TNFSF15: variants seen among roughly 807,000 people sequenced by gnomAD.
TNFSF15 encodes the protein tumor necrosis factor ligand superfamily member 15.
In TNFSF15, 15 loss-of-function variants were observed where a neutral mutation model predicts 26.4. The observed-to-expected ratio is 0.57, with a 90% CI of 0.38 to 0.87. TNFSF15 has a LOEUF of 0.87. Among genes scored for constraint, TNFSF15 ranks in the 40% least tolerant of loss-of-function variants. The pLI is 0.00. For missense variants in TNFSF15, 290 were observed against 306.1 expected, an observed-to-expected ratio of 0.95 and a Z score of 0.39; for synonymous variants, 116 against 115.0, an observed-to-expected ratio of 1.01 and a Z score of -0.06.
chr9:114,791,474 A>T (rs1462636542), intron 3 of TNFSF15: 1 of 170,558 alleles, frequency 5.9e-6, no homozygotes, highest in African/African-American at 2.4e-5. Flanking sequence ...ATCCTCACTC[A>T]GAGCTCACCA....
At chr9:114,804,015 G>T (rs1343491831) in intron 1 of TNFSF15, among the ~76,000 whole-genome samples, 1 of 152,182 alleles carries the variant, frequency 6.6e-6, no homozygotes, top group East Asian at 1.9e-4. Context: ...TGAGCCAGCT[G>T]TTTCTTTTCA....
chr9:114,799,243 A>C (rs1829709293), intron 1 of TNFSF15, among the ~76,000 whole-genome samples: 1 of 152,222 alleles, frequency 6.6e-6, no homozygotes, highest in Non-Finnish European at 1.5e-5. Context: ...ACTTGACCTC[A>C]ATGGAACTGT....
chr9:114,795,050 C>A (rs977043453), intron 1 of TNFSF15, among the ~76,000 whole-genome samples: 2 of 152,106 alleles, frequency 1.3e-5, no homozygotes, highest in African/African-American at 4.8e-5. Context: ...TTGAAATGTT[C>A]CCAACACATA....
intron 3 of TNFSF15, 89 bp downstream of exon 3, chr9:114,792,318 A>G: frequency 6.7e-7 from 1 of 1,497,320 alleles, no homozygotes; most frequent in Non-Finnish European, 9.0e-7. Flanking sequence ...TTTCATTTTA[A>G]GCCACTAGAA....
chr9:114,802,682 G>A (rs1476944336), intron 1 of TNFSF15, among the ~76,000 whole-genome samples: 1 of 152,226 alleles, frequency 6.6e-6, no homozygotes, highest in Non-Finnish European at 1.5e-5. Context: ...GGGTGACTCT[G>A]TGGGTGGCAT....
Position 114,804,963 on chromosome 9 carries a change from A to G in TNFSF15, c.210+840T>C, listed in dbSNP as rs1301974508. On this transcript the variant is annotated intron_variant, in intron 1 of 3. Coordinates refer to ENST00000374045, the MANE Select transcript of TNFSF15 (RefSeq NM_005118.4). ...CATAGATTATGAAGGGACATTTTTA[A>G]AAAGGATATTACTGGAAAGACTCAT... Among the ~76,000 whole-genome samples the G allele has an allele frequency of 2.0e-5, 3 of 152,346 alleles. No homozygotes were observed. The East Asian group carries it at 5.8e-4, about 29-fold the overall frequency.
At chr9:114,804,739 C>T (rs374133073) in intron 1 of TNFSF15, among the ~76,000 whole-genome samples, 9 of 152,304 alleles carry the variant, frequency 5.9e-5, no homozygotes, top group South Asian at 4.1e-4. Flanking sequence ...TGGCCATGAA[C>T]GCTGCTGCCT....
intron 1 of TNFSF15, among the ~76,000 whole-genome samples, chr9:114,794,682 G>T (rs182626781): frequency 1.4e-3 from 217 of 152,216 alleles, no homozygotes; most frequent in Middle Eastern, 3.4e-3. Flanking sequence ...ATAAACAATG[G>T]AATACTATTT....
At chr9:114,799,361 T>G (rs1829711179) in intron 1 of TNFSF15, among the ~76,000 whole-genome samples, 2 of 152,224 alleles carry the variant, frequency 1.3e-5, no homozygotes. Context: ...TTGGGCTCAA[T>G]ATATGATTGT....
chr9:114,792,261 ACACACT>A, intron 3 of TNFSF15, 140 bp downstream of exon 3: 1 of 788,588 alleles, frequency 1.3e-6, no homozygotes. Flanking sequence ...ACACACACAC[ACACACT>A]GGAATATTGA....
chr9:114,790,406 G>C lies in TNFSF15; in HGVS notation c.*46C>G, dbSNP rs746759954. On this transcript the variant is annotated 3_prime_UTR_variant, in exon 4 of 4. Transcript: ENST00000374045. ...ATTACATTTGAACAAAGAAAATTAG[G>C]AACTCGGTGGCAGAGGACTTTCATA... 2.0e-6 allele frequency: 3 copies of C among 1,506,530 alleles called. No homozygotes were observed. The highest frequency in any genetic ancestry group is 2.7e-6 in the Non-Finnish European group (3 of 1,122,238). The allele number at this position is 1,506,530 out of a possible 1,614,324, so 93.3% of individuals were successfully genotyped here. A position where few individuals can be genotyped will look rare whatever the true frequency, so the allele number is the denominator to read the frequency against.
chr9:114,803,365 A>G (rs969116620), intron 1 of TNFSF15, among the ~76,000 whole-genome samples: 1 of 152,140 alleles, frequency 6.6e-6, no homozygotes, highest in African/African-American at 2.4e-5. Flanking sequence ...GAGTATTGAT[A>G]TTAATACCCC....
At position 114,787,387 on chromosome 9, in the gene TNFSF15, C is replaced by A. The variant is rs1330243981; in HGVS notation, c.*3065G>T. The A allele has an allele frequency of 6.6e-6, 1 of 152,172 alleles. No homozygotes were observed. The highest frequency in any genetic ancestry group is 2.4e-5 in the African/African-American group (1 of 41,432). The allele number at this position is 152,172 out of a possible 1,614,324, so 9.4% of individuals were successfully genotyped here. ...ATACAACCAAAATAAATTAAAGAAT[C>A]TGCAGACAGTAGAGGTGCTGGGAAG... On this transcript the variant is annotated 3_prime_UTR_variant, in exon 4 of 4. Coordinates refer to ENST00000374045, the MANE Select transcript of TNFSF15 (RefSeq NM_005118.4).
chr9:114,792,499 C>A, intron 2 of TNFSF15, 45 bp from the exon 3 acceptor site: 1 of 1,613,472 alleles, frequency 6.2e-7, no homozygotes, highest in Non-Finnish European at 8.5e-7. Context: ...CAAAGGGTGA[C>A]TGAAATGAAG....
rs140925489 is a variant in TNFSF15, at chr9:114,805,919, T to C, written c.94A>G (p.Ser32Gly). Residue 32 changes from serine (S) to glycine (G), a missense_variant, in exon 1 of 4, where the codon AGC (serine) becomes GGC (glycine). This residue lies in a region of TNFSF15 where 179 missense variants were observed against 165.9 expected (regional missense o/e 1.08). Transcript: ENST00000374045. ...GSCRPKARSS[S>G]ARWALTCCLV... Reference sequence around the variant, plus strand: ...CAGCAGGTGAGAGCCCAGCGTGCGCTGCTGCTCCTGGCCTTGGGCCTGCAG... The same window carrying C: ...CAGCAGGTGAGAGCCCAGCGTGCGCCGCTGCTCCTGGCCTTGGGCCTGCAG... The C allele has an allele frequency of 9.2e-4, 1,482 of 1,614,034 alleles. 2 individuals are homozygous for C. The highest frequency in any genetic ancestry group is 1.2e-3 in the Non-Finnish European group (1,381 of 1,180,054).
chr9:114,799,388 T>A (rs1829711635), intron 1 of TNFSF15, among the ~76,000 whole-genome samples: 1 of 152,216 alleles, frequency 6.6e-6, no homozygotes, highest in African/African-American at 2.4e-5. Flanking sequence ...TATTGTTGGT[T>A]CTGCACATCC....
At position 114,784,770 on chromosome 9, in the gene TNFSF15, A is replaced by C. The variant is rs1052165704; in HGVS notation, c.*5682T>G. The C allele has an allele frequency of 1.3e-5, 2 of 152,264 alleles. No homozygotes were observed. Among genetic ancestry groups the C allele is most frequent in the Non-Finnish European group, 2.9e-5 (2 of 68,048 alleles). 9.4% of individuals were successfully genotyped at this position (152,264 alleles called of 1,614,324 possible). A position where few individuals can be genotyped will look rare whatever the true frequency, so the allele number is the denominator to read the frequency against. On this transcript the variant is annotated 3_prime_UTR_variant, in exon 4 of 4. Transcript: ENST00000374045. ...TACCCAAAGACATGGGATGCATACC[A>C]GTTAAGTACGTATCCAACAACATAC...
In TNFSF15 at chr9:114,790,465, G is replaced by T. The variant is rs764534409; in HGVS notation, c.743C>A (p.Ala248Asp). 4 of 1,603,750 alleles carry T rather than the reference G, an allele frequency of 2.5e-6. No individual in the cohort carries two copies. Among genetic ancestry groups the T allele is most frequent in the Non-Finnish European group, 3.4e-6 (4 of 1,174,018 alleles). ...TTTGCTCTCCTCCTATAGTAAGAAGGCTCCAAAGAAGGTTTTATCTTCTTT... is the reference window on the plus strand; with the variant it reads ...TTTGCTCTCCTCCTATAGTAAGAAGTCTCCAAAGAAGGTTTTATCTTCTTT... ...YTKEDKTFFG[A>D]FLL Residue 248 changes from alanine (A) to aspartate (D), a missense_variant, in exon 4 of 4, where the codon GCC becomes GAC. Around this residue, in one of 3 missense-constraint regions of TNFSF15, gnomAD observed 102 missense variants for 114.7 expected, o/e 0.89. Transcript: ENST00000374045.
In TNFSF15 at chr9:114,790,605, T is replaced by C. The variant is rs3810936; in HGVS notation, c.603A>G (p.Val201=). ...PTQLLMGTKS[V]CEVGSNWFQP... is the part of the protein sequence containing the mutation. Reference sequence around the variant, plus strand: ...GGAACCAGTTGCTACCTACTTCGCATACAGACTTGGTCCCCATGAGGAGCT... The same window carrying C: ...GGAACCAGTTGCTACCTACTTCGCACACAGACTTGGTCCCCATGAGGAGCT... Residue 201 remains valine (V), a synonymous_variant, in exon 4 of 4, where the codon GTA becomes GTG. Transcript: ENST00000374045. 1,127,325 of 1,613,702 alleles carry C rather than the reference T, an allele frequency of 0.7. 396,595 individuals are homozygous for C. Among genetic ancestry groups the C allele is most frequent in the African/African-American group, 0.89 (66,977 of 74,930 alleles).
Sources: gnomAD v4.1 joint callset for allele counts (sites outside exome capture counted in the v4.1 genomes callset) on GRCh38, gnomAD v4.1.1 for gene constraint, gnomAD v4.1.1 regional missense constraint, MANE v1.5 for transcripts, NCBI Gene and HGNC (gene_info 2026-07-23, HGNC 2026-07-21) for gene names.